The following ICAM2 variants were observed in gnomAD, a reference collection of about 807,000 sequenced individuals.
ICAM2 encodes the protein ICAM-2.
In ICAM2, 14 loss-of-function variants were observed where a neutral mutation model predicts 19.1. The observed-to-expected ratio is 0.73, with a 90% CI of 0.48 to 1.15. The LOEUF (loss-of-function observed/expected upper bound fraction) is 1.15. ICAM2 is among the 50% of genes most tolerant of loss of function. The pLI, the probability that ICAM2 is intolerant of heterozygous loss-of-function variation, is 0.00. For synonymous variants in ICAM2, 153 were observed against 152.7 expected (o/e 1.00, Z -0.01); for missense variants, 311 against 355.4 (o/e 0.88, Z 1.00).
chr17:64,006,726 C>T lies in ICAM2; in HGVS notation c.-35G>A. On this transcript the variant is annotated 5_prime_UTR_variant, in exon 2 of 5. Transcript: ENST00000579788. ...TCTCCACGGGCTCGCAGGGACCAGC[C>T]AAGGGCTGCCTGGAGGGAGATGGTG... 2 of 1,606,516 alleles carry T rather than the reference C, an allele frequency of 1.2e-6. No individual in the cohort carries two copies. Among genetic ancestry groups the T allele is most frequent in the Non-Finnish European group, 8.5e-7 (1 of 1,173,276 alleles).
rs780473402 is a variant in ICAM2, at chr17:64,005,089, C to T, written c.328+18G>A. Reference sequence around the variant, plus strand: ...TCTGTCCCAGGGGAGAGGAGGGCCCCGCAGCACAGCCACTCACGGTACACG... The same window carrying T: ...TCTGTCCCAGGGGAGAGGAGGGCCCTGCAGCACAGCCACTCACGGTACACG... On this transcript the variant is annotated intron_variant, in intron 3 of 4. Transcript: ENST00000579788. 8.1e-6 allele frequency: 13 copies of T among 1,613,884 alleles called. No homozygotes were observed. Among genetic ancestry groups the T allele is most frequent in the South Asian group, 6.6e-5 (6 of 91,070 alleles).
At chr17:64,010,237 AAC>A (rs1029332453) in intron 1 of ICAM2, among the ~76,000 whole-genome samples, 15 of 152,204 alleles carry the variant, frequency 9.9e-5, no homozygotes, top group African/African-American at 3.4e-4. Context: ...TTGGTCCTGT[AAC>A]ACAGGAATAA....
chr17:64,014,735 AAGAAAGAAAG>A (rs1469696343), intron 1 of ICAM2, among the ~76,000 whole-genome samples: 26 of 69,588 alleles, frequency 3.7e-4, no homozygotes, highest in South Asian at 3.3e-3. Flanking sequence ...GAAAGAAAGA[AAGAAAGAAAG>A]AAAGAAAGAA....
Position 64,003,738 on chromosome 17 carries a change from G to A in ICAM2, c.555C>T (p.His185=), listed in dbSNP as rs1475800580. The change falls in exon 4 of 5, where the codon CAC becomes CAT. Residue 185 remains histidine, a synonymous_variant. Transcript: ENST00000579788. The part of the protein sequence containing the change: ...FNSTADREDG[H]RNFSCLAVLD... ...GCACAGCCAGGCAGGAGAAGTTGCG[G>A]TGGCCATCCTCTCTGTCAGCCGTGC... The A allele has an allele frequency of 6.2e-7, 1 of 1,614,182 alleles. No homozygotes were observed. Among genetic ancestry groups the A allele is most frequent in the Non-Finnish European group, 8.5e-7 (1 of 1,180,050 alleles).
At chr17:64,014,406 AG>A (rs1911596758) in intron 1 of ICAM2, among the ~76,000 whole-genome samples, 1 of 48,290 alleles carries the variant, frequency 2.1e-5, no homozygotes, top group Non-Finnish European at 4.4e-5. Context: ...GAAGGAAGGA[AG>A]AGAAAGAGAA....
At chr17:64,003,003 C>G in intron 4 of ICAM2, 78 bp from the exon 5 acceptor site, 1 of 1,399,816 alleles carries the variant, frequency 7.1e-7, no homozygotes, top group Non-Finnish European at 9.8e-7. Context: ...GGAAGTCCAC[C>G]CCCAACCCAG....
intron 1 of ICAM2, among the ~76,000 whole-genome samples, chr17:64,018,049 A>T (rs1449645634): frequency 6.6e-6 from 1 of 152,188 alleles, no homozygotes; most frequent in African/African-American, 2.4e-5. Flanking sequence ...TTTGACTAAG[A>T]TACAAAGAAA....
intron 1 of ICAM2, 34 bp from the exon 2 acceptor site, chr17:64,006,769 T>G (rs1031723964): frequency 7.7e-7 from 1 of 1,293,532 alleles, no homozygotes; most frequent in African/African-American, 1.5e-5. Flanking sequence ...GTCTGAGCTA[T>G]GGCCCAGAAT....
At chr17:64,007,301 GC>G in intron 1 of ICAM2, among the ~76,000 whole-genome samples, 1 of 149,968 alleles carries the variant, frequency 6.7e-6, no homozygotes, top group South Asian at 2.1e-4. Flanking sequence ...CACTCTTGTC[GC>G]CCAGGCTGGA....
chr17:64,019,540 G>T (rs1598030001), intron 1 of ICAM2, among the ~76,000 whole-genome samples: 1 of 152,146 alleles, frequency 6.6e-6, no homozygotes, highest in Non-Finnish European at 1.5e-5. Context: ...TGGTGGCCAG[G>T]TGTGGTGGCT....
At position 64,002,597 on chromosome 17, in the gene ICAM2, A is replaced by G; in HGVS notation, c.*150T>C. ...AGGAGACACTGTGGGCACAGGGCTA[A>G]GTCCAGGTGTTTGTATTCGGGCTAG... On this transcript the variant is annotated 3_prime_UTR_variant, in exon 5 of 5. Transcript: ENST00000579788. The G allele has an allele frequency of 1.4e-6, 1 of 703,592 alleles. No individual in the cohort carries two copies. The highest frequency in any genetic ancestry group is 2.8e-5 in the Admixed American group (1 of 35,566). 43.6% of individuals were successfully genotyped at this position (703,592 alleles called of 1,614,324 possible). A position where few individuals can be genotyped will look rare whatever the true frequency, so the allele number is the denominator to read the frequency against.
chr17:64,008,975 C>T (rs1456357148), intron 1 of ICAM2, among the ~76,000 whole-genome samples: 1 of 152,200 alleles, frequency 6.6e-6, no homozygotes, highest in Non-Finnish European at 1.5e-5. Context: ...TGTGATGTCT[C>T]CCATCCTTCC....
Position 64,002,618 on chromosome 17 carries a change from G to A in ICAM2, c.*129C>T, listed in dbSNP as rs918605552. On this transcript the variant is annotated 3_prime_UTR_variant, in exon 5 of 5. Transcript: ENST00000579788. ...GCTAAGTCCAGGTGTTTGTATTCGG[G>A]CTAGAAAAGGCAATGTCCCAAGTCT... 29 of 803,058 alleles carry A rather than the reference G, an allele frequency of 3.6e-5. No homozygotes were observed. Among genetic ancestry groups the A allele is most frequent in the South Asian group, 1.9e-4 (11 of 58,618 alleles). 49.7% of individuals were successfully genotyped at this position (803,058 alleles called of 1,614,324 possible). A position where few individuals can be genotyped will look rare whatever the true frequency, so the allele number is the denominator to read the frequency against.
chr17:64,003,938 G>GGCTC lies in ICAM2; in HGVS notation c.354_355insGAGC (p.Leu119GlufsTer16). 1 of 1,613,540 alleles carries GGCTC rather than the reference G, an allele frequency of 6.2e-7. No homozygotes were observed. The highest frequency in any genetic ancestry group is 8.5e-7 in the Non-Finnish European group (1 of 1,179,754). ...CCCACAGCCACCAAAGTGGGTTGCA[G>GGCTC]TGTCAGGATGACCTGCCTTGGAGGC... is the stretch of plus-strand genomic sequence containing the variant. On this transcript the variant is annotated frameshift_variant, in exon 4 of 5. Coordinates refer to ENST00000579788, the MANE Select transcript of ICAM2 (RefSeq NM_001099789.2). LOFTEE classifies it high-confidence loss of function.
At chr17:64,006,869 C>T in intron 1 of ICAM2, 134 bp from the exon 2 acceptor site, 1 of 615,414 alleles carries the variant, frequency 1.6e-6, no homozygotes, top group Non-Finnish European at 2.9e-6. Flanking sequence ...TTCTAGGACC[C>T]CAGGCCTCTA....
chr17:64,019,640 C>T (rs1043373511), intron 1 of ICAM2, among the ~76,000 whole-genome samples: 2 of 151,684 alleles, frequency 1.3e-5, no homozygotes, highest in Non-Finnish European at 2.9e-5. Flanking sequence ...ATAGTGAAAC[C>T]CTGTCGCTAC....
At position 64,007,071 on chromosome 17, in the gene ICAM2, T is replaced by A. The variant is rs534571674; in HGVS notation, c.-44-336A>T. 61 of 218,210 alleles carry A rather than the reference T, an allele frequency of 2.8e-4. No homozygotes were observed. The South Asian group carries it at 3.5e-3, about 13-fold the overall frequency. The allele number at this position is 218,210 out of a possible 1,614,324, so 13.5% of individuals were successfully genotyped here. On this transcript the variant is annotated intron_variant, in intron 1 of 4. Transcript: ENST00000579788. ...CCCCAAATCCCATGGGATGCATTGT[T>A]GGAGTCATGCCTGGGAGACAAGCAT...
At chr17:64,013,540 C>A (rs1314076793) in intron 1 of ICAM2, among the ~76,000 whole-genome samples, 1 of 151,804 alleles carries the variant, frequency 6.6e-6, no homozygotes, top group African/African-American at 2.4e-5. Context: ...AAGCTCAGCT[C>A]TATGTTGTTT....
Position 64,002,672 on chromosome 17 carries a change from G to A in ICAM2, c.*75C>T. On this transcript the variant is annotated 3_prime_UTR_variant, in exon 5 of 5. Transcript: ENST00000579788. The stretch of plus-strand genomic sequence containing the variant: ...CTGCCTGTCACAGTCCTTCAGCCAG[G>A]GCTGGACCTCAACCCTGAGGAGTCA... 1 of 1,373,466 alleles carries A rather than the reference G, an allele frequency of 7.3e-7. No individual in the cohort carries two copies. Among genetic ancestry groups the A allele is most frequent in the African/African-American group, 1.4e-5 (1 of 70,232 alleles). The allele number at this position is 1,373,466 out of a possible 1,614,324, so 85.1% of individuals were successfully genotyped here.
Sources: allele counts gnomAD v4.1 joint callset (sites outside exome capture counted in the v4.1 genomes callset), GRCh38; gene constraint gnomAD v4.1.1; transcripts MANE v1.5; gene names NCBI Gene and HGNC (gene_info 2026-07-23, HGNC 2026-07-21).